The following PIWIL1 variants were observed in gnomAD, a reference collection of about 807,000 sequenced individuals.
PIWIL1 encodes piwi like RNA-mediated gene silencing 1.
PIWIL1 carries 73 observed loss-of-function variants against 114.4 expected under a neutral mutation model. That is an observed-to-expected ratio of 0.64 (90% CI 0.53 to 0.78). PIWIL1 has a LOEUF of 0.78. Ranked by LOEUF, PIWIL1 falls within the 30% of genes least tolerant of loss-of-function variation. The probability of loss-of-function intolerance (pLI) is 0.00; values close to 1 mark genes in which losing one functional copy is unlikely to be tolerated. For missense variants in PIWIL1, 723 were observed against 1,063.1 expected (o/e 0.68, Z 4.45); for synonymous variants, 375 against 369.0 (o/e 1.02, Z -0.19).
chr12:130,362,371 C>G (rs2073539076), intron 16 of PIWIL1, among the ~76,000 whole-genome samples: 1 of 152,212 alleles, frequency 6.6e-6, no homozygotes, highest in Non-Finnish European at 1.5e-5. Flanking sequence ...ACGGATGGAG[C>G]TGAAGGTCTT....
At chr12:130,370,079 T>C (rs2073777156) in intron 19 of PIWIL1, among the ~76,000 whole-genome samples, 1 of 152,180 alleles carries the variant, frequency 6.6e-6, no homozygotes, top group Non-Finnish European at 1.5e-5. Flanking sequence ...TCTTAACTCC[T>C]CATTCTTTGA....
intron 18 of PIWIL1, among the ~76,000 whole-genome samples, chr12:130,365,107 G>A (rs1310390976): frequency 6.6e-6 from 1 of 152,176 alleles, no homozygotes; most frequent in East Asian, 1.9e-4. Flanking sequence ...GGACCCTGGT[G>A]CAGCTGGTGG....
chr12:130,373,259 A>C (rs779436657), downstream of PIWIL1, among the ~76,000 whole-genome samples: 1 of 152,172 alleles, frequency 6.6e-6, no homozygotes, highest in African/African-American at 2.4e-5. Context: ...GAATATAAGG[A>C]AGTCTAATCA....
chr12:130,374,822 C>A (rs2073854018), downstream of PIWIL1, among the ~76,000 whole-genome samples: 2 of 152,180 alleles, frequency 1.3e-5, no homozygotes, highest in Admixed American at 1.3e-4. Flanking sequence ...GACACCATCC[C>A]CTGCTCCTCA....
chr12:130,425,885 T>C, the PIWIL1 span: 1 of 152,520 alleles, frequency 6.6e-6, no homozygotes, highest in Non-Finnish European at 1.5e-5. Context: ...TTGGGGACCA[T>C]GTGGGATTTG....
At chr12:130,360,814 A>G (rs1034472667) in intron 14 of PIWIL1, among the ~76,000 whole-genome samples, 20 of 152,216 alleles carry the variant, frequency 1.3e-4, no homozygotes, top group Non-Finnish European at 2.6e-4. Context: ...ACAATTGTAG[A>G]TGAATCATGA....
At chr12:130,375,587 T>C (rs2073861077), downstream of PIWIL1, among the ~76,000 whole-genome samples, 1 of 152,230 alleles carries the variant, frequency 6.6e-6, no homozygotes, top group Non-Finnish European at 1.5e-5. Flanking sequence ...GACATTCATT[T>C]TTGGAGGATG....
chr12:130,390,015 A>G, the PIWIL1 span, among the ~76,000 whole-genome samples: 1 of 152,192 alleles, frequency 6.6e-6, no homozygotes, highest in African/African-American at 2.4e-5. Context: ...TTAATTTACC[A>G]TGTTGTTGGA....
chr12:130,391,032 GC>G, the PIWIL1 span, among the ~76,000 whole-genome samples: 8,637 of 152,192 alleles, frequency 0.057, 828 homozygotes, highest in African/African-American at 0.2. Context: ...CGGGGCCCTC[GC>G]CCTCTTTCCC....
chr12:130,343,053 G>A lies in PIWIL1; in HGVS notation c.142G>A (p.Gly48Ser). 1 of 1,613,992 alleles carries A rather than the reference G, an allele frequency of 6.2e-7. No individual in the cohort carries two copies. Among genetic ancestry groups the A allele is most frequent in the African/African-American group, 1.3e-5 (1 of 75,044 alleles). Residue 48 changes from glycine (G) to serine (S), a missense_variant, in exon 3 of 21, where the codon GGC becomes AGC. Physicochemically the swap from Gly to Ser is moderately conservative, Grantham distance 56. Coordinates refer to ENST00000245255, the MANE Select transcript of PIWIL1 (RefSeq NM_004764.5). ...QPPPAEGELF[G>S]RGRQRGTAGG... ...GCCACCAGCAGAGGGGGAATTATTT[G>A]GCCGTGGACGGCAGAGAGGAACAGC...
chr12:130,397,850 A>G, the PIWIL1 span: 4 of 218,666 alleles, frequency 1.8e-5, no homozygotes, highest in Admixed American at 2.3e-4. Flanking sequence ...AGGGCAGGGG[A>G]GACATGATCT....
At chr12:130,369,349 A>G (rs529440041) in intron 19 of PIWIL1, among the ~76,000 whole-genome samples, 21 of 152,306 alleles carry the variant, frequency 1.4e-4, no homozygotes, top group Middle Eastern at 3.4e-3. Flanking sequence ...ATAGTGCTGC[A>G]TGAACATACA....
chr12:130,400,924 G>A, the PIWIL1 span, among the ~76,000 whole-genome samples: 1 of 152,144 alleles, frequency 6.6e-6, no homozygotes. Flanking sequence ...GGAAAAAACA[G>A]GTACTGGTGA....
chr12:130,424,174 T>C, the PIWIL1 span: 2 of 1,232,060 alleles, frequency 1.6e-6, no homozygotes, highest in Non-Finnish European at 2.0e-6. The surrounding 1 kb of genome is among the most constrained non-coding windows in gnomAD (Gnocchi z 9.8). Flanking sequence ...GGAGGTGGCT[T>C]TGCGTGGGGG....
chr12:130,406,231 A>G, the PIWIL1 span: 1 of 1,603,904 alleles, frequency 6.2e-7, no homozygotes, highest in Non-Finnish European at 8.5e-7. Flanking sequence ...CCTGTGCAAA[A>G]TGTAAGTTCG....
At chr12:130,349,506 A>G (rs2073156923) in intron 8 of PIWIL1, 70 bp downstream of exon 8, 2 of 1,015,822 alleles carry the variant, frequency 2.0e-6, no homozygotes. Context: ...TAGTTCTACC[A>G]TGTTAAGAAA....
At chr12:130,424,260 C>G in the PIWIL1 span, 22 of 1,231,832 alleles carry the variant, frequency 1.8e-5, no homozygotes, top group Non-Finnish European at 2.2e-5. This position sits in a 1 kb window ranked among gnomAD's most constrained non-coding sequence, Gnocchi z 9.8. Flanking sequence ...GGTGGGCTCG[C>G]CCCAGCCGTG....
chr12:130,354,158 C>T (rs576914733), intron 9 of PIWIL1, among the ~76,000 whole-genome samples: 1 of 152,138 alleles, frequency 6.6e-6, no homozygotes, highest in Non-Finnish European at 1.5e-5. Context: ...AGTAAGTTCT[C>T]TCAGTAACAG....
chr12:130,375,262 G>A (rs890202001), downstream of PIWIL1, among the ~76,000 whole-genome samples: 1 of 152,106 alleles, frequency 6.6e-6, no homozygotes, highest in African/African-American at 2.4e-5. Flanking sequence ...AAATAAACAC[G>A]GCTGGAGAAA....
Sources: allele counts gnomAD v4.1 joint callset (sites outside exome capture counted in the v4.1 genomes callset), GRCh38; gene constraint gnomAD v4.1.1; non-coding constraint Gnocchi (gnomAD v3.1); transcripts MANE v1.5; gene names NCBI Gene and HGNC (gene_info 2026-07-23, HGNC 2026-07-21).